The following FBXL7 variants were observed in gnomAD, a reference collection of about 807,000 sequenced individuals.
The protein encoded by FBXL7 is F-box/LRR-repeat protein 7.
In FBXL7, 12 loss-of-function variants were observed where a neutral mutation model predicts 38.3. The observed-to-expected ratio is 0.31, with a 90% CI of 0.20 to 0.51. FBXL7 has a LOEUF of 0.51. Ranked by LOEUF, FBXL7 falls within the 20% of genes least tolerant of loss-of-function variation. The probability of loss-of-function intolerance (pLI) is 0.98; values close to 1 mark genes in which losing one functional copy is unlikely to be tolerated. For synonymous variants in FBXL7, 297 were observed against 300.9 expected (o/e 0.99, Z 0.13); for missense variants, 567 against 676.4 (o/e 0.84, Z 1.79).
At chr5:15,770,882 A>G (rs1332120084) in intron 2 of FBXL7, among the ~76,000 whole-genome samples, 5 of 152,152 alleles carry the variant, frequency 3.3e-5, no homozygotes. Context: ...ATTTGTACCC[A>G]TGATGAGGCA....
In FBXL7 at chr5:15,845,917, A is replaced by G. The variant is rs1579513916; in HGVS notation, c.128-81973A>G. ...ACCCCAGGAGGCGGAGCTTGCAATG[A>G]GCCGAGATTGCACCACTGCACTCCA... On this transcript the variant is annotated intron_variant, in intron 2 of 3. Coordinates refer to ENST00000504595, the MANE Select transcript of FBXL7 (RefSeq NM_012304.5). 2.0e-5 allele frequency among the ~76,000 whole-genome samples: 3 copies of G among 152,360 alleles called. No individual in the cohort carries two copies. In the East Asian group the frequency reaches 5.8e-4, roughly 29 times the overall value.
intron 2 of FBXL7, among the ~76,000 whole-genome samples, chr5:15,759,013 T>A (rs1486727670): frequency 6.6e-6 from 1 of 152,202 alleles, no homozygotes; most frequent in African/African-American, 2.4e-5. Context: ...TGCTAGCATA[T>A]GTATCTGCCA....
chr5:15,860,062 T>G (rs1397276774), intron 2 of FBXL7, among the ~76,000 whole-genome samples: 5 of 152,172 alleles, frequency 3.3e-5, no homozygotes, highest in Admixed American at 6.5e-5. Context: ...CTGTACATCA[T>G]AGAGATTTTA....
intron 1 of FBXL7, among the ~76,000 whole-genome samples, chr5:15,516,047 C>G (rs1214839380): frequency 6.6e-6 from 1 of 152,220 alleles, no homozygotes; most frequent in East Asian, 1.9e-4. Flanking sequence ...TCTTAGACTC[C>G]CATTGTCTGT....
intron 2 of FBXL7, among the ~76,000 whole-genome samples, chr5:15,714,120 G>A (rs1743965630): frequency 6.6e-6 from 1 of 152,204 alleles, no homozygotes; most frequent in Non-Finnish European, 1.5e-5. Flanking sequence ...TTGGAAGTGT[G>A]TCCTGGCCTA....
intron 2 of FBXL7, among the ~76,000 whole-genome samples, chr5:15,922,074 AC>A (rs1338650139): frequency 6.6e-6 from 1 of 152,100 alleles, no homozygotes. Flanking sequence ...TACTGAAACA[AC>A]CTAGGGTTTA....
chr5:15,932,356 T>G (rs1742059277), intron 3 of FBXL7, among the ~76,000 whole-genome samples: 1 of 152,182 alleles, frequency 6.6e-6, no homozygotes, highest in Non-Finnish European at 1.5e-5. Context: ...CAGTTGTTCT[T>G]CATTGACTTA....
chr5:15,574,973 G>T (rs1299319883), intron 1 of FBXL7, among the ~76,000 whole-genome samples: 1 of 152,152 alleles, frequency 6.6e-6, no homozygotes, highest in African/African-American at 2.4e-5. Flanking sequence ...AACCAGTGCA[G>T]TTTTGCCTCC....
intron 1 of FBXL7, among the ~76,000 whole-genome samples, chr5:15,505,830 G>C (rs1480577845): frequency 6.6e-6 from 1 of 152,142 alleles, no homozygotes; most frequent in Non-Finnish European, 1.5e-5. Context: ...GGACATTCAA[G>C]TGTCCCCCAC....
At chr5:15,595,467 A>C (rs976978333) in intron 1 of FBXL7, among the ~76,000 whole-genome samples, 1 of 152,150 alleles carries the variant, frequency 6.6e-6, no homozygotes, top group Admixed American at 6.6e-5. Flanking sequence ...TGAATTCTTT[A>C]ATTTGATAAT....
At chr5:15,537,285 TA>T (rs1476457417) in intron 1 of FBXL7, among the ~76,000 whole-genome samples, 1 of 152,238 alleles carries the variant, frequency 6.6e-6, no homozygotes, top group Non-Finnish European at 1.5e-5. Flanking sequence ...TTCATATGCT[TA>T]TTTTCCATCT....
chr5:15,757,303 A>G (rs1392046914), intron 2 of FBXL7, among the ~76,000 whole-genome samples: 1 of 152,166 alleles, frequency 6.6e-6, no homozygotes, highest in East Asian at 1.9e-4. Context: ...ACTCAGTTCA[A>G]AGAGGCTATT....
intron 2 of FBXL7, among the ~76,000 whole-genome samples, chr5:15,887,988 C>T (rs1308249085): frequency 6.6e-6 from 1 of 152,158 alleles, no homozygotes; most frequent in Non-Finnish European, 1.5e-5. Context: ...GACATCATAA[C>T]AGAACCAAAA....
At chr5:15,755,524 T>C (rs1342302179) in intron 2 of FBXL7, among the ~76,000 whole-genome samples, 2 of 152,228 alleles carry the variant, frequency 1.3e-5, no homozygotes, top group East Asian at 3.8e-4. Context: ...TCAGTAGTTC[T>C]TTAAAAAGGC....
chr5:15,676,980 T>C (rs1434300471), intron 2 of FBXL7, among the ~76,000 whole-genome samples: 2 of 152,218 alleles, frequency 1.3e-5, no homozygotes, highest in Non-Finnish European at 2.9e-5. Flanking sequence ...TTCTCAACTT[T>C]AAAAGCAGCA....
At chr5:15,794,873 AGT>A (rs1278857872) in intron 2 of FBXL7, among the ~76,000 whole-genome samples, 5 of 152,200 alleles carry the variant, frequency 3.3e-5, no homozygotes, top group Non-Finnish European at 7.4e-5. Flanking sequence ...TTTCCTCTAT[AGT>A]TAGAAATTTG....
intron 2 of FBXL7, among the ~76,000 whole-genome samples, chr5:15,668,362 TTGTGTTTGTGTG>T (rs778569293): frequency 3.7e-5 from 5 of 135,656 alleles, no homozygotes; most frequent in Non-Finnish European, 7.9e-5. Flanking sequence ...TCCTTTATAT[TTGTGTTTGTGTG>T]TGTGTGTGTG....
chr5:15,506,710 G>A (rs1377263178), intron 1 of FBXL7, among the ~76,000 whole-genome samples: 1 of 151,854 alleles, frequency 6.6e-6, no homozygotes, highest in Non-Finnish European at 1.5e-5. Flanking sequence ...TGGCTGTGAG[G>A]GAAAGAGAGC....
At chr5:15,828,175 T>TA (rs1738364073) in intron 2 of FBXL7, among the ~76,000 whole-genome samples, 1 of 152,180 alleles carries the variant, frequency 6.6e-6, no homozygotes, top group Non-Finnish European at 1.5e-5. Context: ...GTTGCAAGAA[T>TA]TAAAAACACA....
Sources: gnomAD v4.1 joint callset for allele counts (sites outside exome capture counted in the v4.1 genomes callset) on GRCh38, gnomAD v4.1.1 for gene constraint, MANE v1.5 for transcripts, NCBI Gene and HGNC (gene_info 2026-07-23, HGNC 2026-07-21) for gene names.